Variants in CWC27 observed in about 807,000 individuals in gnomAD.
The protein encoded by CWC27 is CWC27 spliceosome associated cyclophilin, also known as spliceosome-associated protein CWC27 homolog.
In CWC27, 47 loss-of-function variants were observed where a neutral mutation model predicts 63.6. The observed-to-expected ratio is 0.74, with a 90% confidence interval of 0.58 to 0.94. The LOEUF is 0.94. Among genes scored for constraint, CWC27 ranks in the 40% least tolerant of loss-of-function variants. CWC27 has a pLI of 0.00. For missense variants in CWC27, 495 were observed against 554.3 expected (o/e 0.89, Z 1.07); for synonymous variants, 175 against 179.8 (o/e 0.97, Z 0.22).
At chr5:64,905,260 G>T (rs1288565512) in intron 11 of CWC27, among the ~76,000 whole-genome samples, 8 of 148,472 alleles carry the variant, frequency 5.4e-5, no homozygotes, top group Admixed American at 5.3e-4. Context: ...TTCCTGGCCA[G>T]GCTTCATGAT....
At chr5:64,998,251 C>A (rs1237212000) in intron 13 of CWC27, among the ~76,000 whole-genome samples, 1 of 152,066 alleles carries the variant, frequency 6.6e-6, no homozygotes, top group Non-Finnish European at 1.5e-5. Flanking sequence ...GCTTACCAGG[C>A]CTTTTTGATA....
At chr5:64,970,463 C>G (rs542284268) in intron 11 of CWC27, among the ~76,000 whole-genome samples, 1 of 152,082 alleles carries the variant, frequency 6.6e-6, no homozygotes, top group Non-Finnish European at 1.5e-5. Context: ...CCGCCCACCT[C>G]GGCCTCCGAA....
intron 11 of CWC27, among the ~76,000 whole-genome samples, chr5:64,954,219 T>C (rs1023546832): frequency 6.6e-6 from 1 of 152,180 alleles, no homozygotes; most frequent in Non-Finnish European, 1.5e-5. Context: ...TTTCAGCTTT[T>C]ACCAAAAGCA....
chr5:64,796,797 T>G (rs555921212), intron 7 of CWC27, among the ~76,000 whole-genome samples: 1 of 55,138 alleles, frequency 1.8e-5, no homozygotes, highest in South Asian at 7.9e-4. Context: ...TCCTTCCTTC[T>G]TCCCTCCCTC....
At chr5:64,871,565 T>C (rs1310234866) in intron 10 of CWC27, among the ~76,000 whole-genome samples, 2 of 152,144 alleles carry the variant, frequency 1.3e-5, no homozygotes, top group Admixed American at 1.3e-4. Flanking sequence ...AGATGGAGAA[T>C]GAAGCAGAGC....
At chr5:64,900,704 G>C (rs573437152) in intron 11 of CWC27, among the ~76,000 whole-genome samples, 1 of 151,820 alleles carries the variant, frequency 6.6e-6, no homozygotes, top group South Asian at 2.1e-4. Flanking sequence ...ATTAAGATTT[G>C]ATTCACTTTG....
chr5:64,900,502 G>T (rs1009514511), intron 11 of CWC27, among the ~76,000 whole-genome samples: 1 of 151,994 alleles, frequency 6.6e-6, no homozygotes, highest in Non-Finnish European at 1.5e-5. Flanking sequence ...CTCTCAAACG[G>T]TGGCTTATAT....
At chr5:64,847,007 A>AG (rs1022959440) in intron 10 of CWC27, among the ~76,000 whole-genome samples, 16 of 151,556 alleles carry the variant, frequency 1.1e-4, no homozygotes, top group African/African-American at 3.4e-4. Flanking sequence ...AAAAAAAAAA[A>AG]AAAAGAAAAA....
At chr5:64,788,191 G>A (rs562976542) in intron 6 of CWC27, among the ~76,000 whole-genome samples, 63 of 152,082 alleles carry the variant, frequency 4.1e-4, no homozygotes, top group African/African-American at 1.5e-3. Context: ...CATATGCAGT[G>A]CGTCATCACT....
At position 64,768,987 on chromosome 5, in the gene CWC27, G is replaced by A; in HGVS notation, c.-160G>A. 1 of 638,006 alleles carries A rather than the reference G, an allele frequency of 1.6e-6. No homozygotes were observed. Among genetic ancestry groups the A allele is most frequent in the East Asian group, 2.7e-5 (1 of 36,814 alleles). The allele number at this position is 638,006 out of a possible 1,614,324, so 39.5% of individuals were successfully genotyped here. ...CGTCCGTGAGGGGCTCCTTTGGGCAGGGGTAGTGTTTGGTGTCCCTGTCTT... is the reference window on the plus strand; with the variant it reads ...CGTCCGTGAGGGGCTCCTTTGGGCAAGGGTAGTGTTTGGTGTCCCTGTCTT... On this transcript the variant is annotated 5_prime_UTR_variant, in exon 1 of 14. Transcript: ENST00000381070.
intron 11 of CWC27, among the ~76,000 whole-genome samples, chr5:64,909,273 GT>G (rs1410073372): frequency 6.6e-6 from 1 of 152,066 alleles, no homozygotes; most frequent in Non-Finnish European, 1.5e-5. Context: ...CTGCTGAGAG[GT>G]TTCAGTGGAA....
intron 10 of CWC27, among the ~76,000 whole-genome samples, chr5:64,883,871 G>A (rs925969270): frequency 7.9e-5 from 12 of 152,112 alleles, no homozygotes; most frequent in African/African-American, 2.9e-4. Context: ...CAGTGAGGTG[G>A]GAGTGTTTGA....
Position 64,906,623 on chromosome 5 carries a change from G to A in CWC27, c.1042+21077G>A, listed in dbSNP as rs190723352. On this transcript the variant is annotated intron_variant, in intron 11 of 13. Coordinates refer to ENST00000381070, the MANE Select transcript of CWC27 (RefSeq NM_005869.4). ...AATTTTCTCCCATTCTGTAGGTTGC[G>A]TATTCACTCTGATAGTAGTTTCTTT... is the stretch of plus-strand genomic sequence containing the variant. Among the ~76,000 whole-genome samples, 131 of 152,120 alleles carry A rather than the reference G, an allele frequency of 8.6e-4. 2 individuals are homozygous for A. The East Asian group carries it at 0.018, about 21-fold the overall frequency.
chr5:64,834,940 A>G (rs1051374872), intron 10 of CWC27, among the ~76,000 whole-genome samples: 14 of 151,768 alleles, frequency 9.2e-5, no homozygotes, highest in Admixed American at 2.6e-4. Context: ...CCTACCGCCA[A>G]AACAACTGAA....
At chr5:64,938,698 G>T (rs933577486) in intron 11 of CWC27, among the ~76,000 whole-genome samples, 7 of 152,170 alleles carry the variant, frequency 4.6e-5, no homozygotes, top group Admixed American at 2.0e-4. Flanking sequence ...CCTGAAGAGT[G>T]TTTTCCAGCT....
chr5:64,782,483 T>TAAATAAATAAA (rs1561403481), intron 3 of CWC27, among the ~76,000 whole-genome samples: 9 of 151,534 alleles, frequency 5.9e-5, no homozygotes, highest in Admixed American at 2.6e-4. Flanking sequence ...AATAAATAAA[T>TAAATAAATAAA]TGTCTGTAAA....
At chr5:64,945,072 T>G (rs1209146426) in intron 11 of CWC27, among the ~76,000 whole-genome samples, 1 of 152,158 alleles carries the variant, frequency 6.6e-6, no homozygotes, top group Non-Finnish European at 1.5e-5. Flanking sequence ...TCAGGGCCAT[T>G]GCTCATGCTG....
intron 13 of CWC27, among the ~76,000 whole-genome samples, chr5:64,981,704 C>A (rs1749333465): frequency 6.6e-6 from 1 of 152,180 alleles, no homozygotes; most frequent in Admixed American, 6.5e-5. Flanking sequence ...AATTAAGAAT[C>A]CTTAAAGAGC....
chr5:64,984,030 A>G, intron 13 of CWC27, among the ~76,000 whole-genome samples: 1 of 151,942 alleles, frequency 6.6e-6, no homozygotes, highest in East Asian at 1.9e-4. Context: ...ATGGGGTTTC[A>G]CCATGTTGGT....
Sources: allele counts gnomAD v4.1 joint callset (sites outside exome capture counted in the v4.1 genomes callset), GRCh38; gene constraint gnomAD v4.1.1; transcripts MANE v1.5; gene names NCBI Gene and HGNC (gene_info 2026-07-23, HGNC 2026-07-21).